MCPH1: variants seen among roughly 807,000 people sequenced by gnomAD.
MCPH1 encodes microcephalin.
Under a neutral mutation model 84.5 loss-of-function variants are expected in MCPH1, and 104 were observed. The observed-to-expected ratio is 1.23, with a 90% CI of 1.05 to 1.45. The LOEUF (loss-of-function observed/expected upper bound fraction) is 1.45, where lower values mean the gene tolerates loss of function less well. MCPH1 is among the 40% of genes most tolerant of loss of function. The pLI, the probability that MCPH1 is intolerant of heterozygous loss-of-function variation, is 0.00. For missense variants in MCPH1, 1,498 were observed against 1,005.7 expected (o/e 1.49, Z -6.62); for synonymous variants, 514 against 366.8 (o/e 1.40, Z -4.58).
intron 12 of MCPH1, among the ~76,000 whole-genome samples, chr8:6,593,089 T>TG (rs1156673803): frequency 1.3e-5 from 2 of 148,926 alleles, no homozygotes; most frequent in African/African-American, 4.9e-5. Context: ...TGGTTTTTTT[T>TG]TTTTTTTTTT....
chr8:6,447,059 C>T (rs1585828519), intron 8 of MCPH1: 5 of 985,252 alleles, frequency 5.1e-6, no homozygotes, highest in East Asian at 1.1e-4. Context: ...TGCGCTAGTG[C>T]GAGAGGATCT....
intron 4 of MCPH1, among the ~76,000 whole-genome samples, chr8:6,432,323 T>C (rs1801960288): frequency 6.6e-6 from 1 of 152,256 alleles, no homozygotes; most frequent in South Asian, 2.1e-4. Context: ...ACAATGTGAA[T>C]GCTTTGTAAA....
rs79352762 is a variant in MCPH1, at chr8:6,428,896, G to A, written c.234-2603G>A. Among the ~76,000 whole-genome samples, 798 of 122,858 alleles carry A rather than the reference G, an allele frequency of 6.5e-3. 8 individuals are homozygous for A. The highest frequency in any genetic ancestry group is 0.018 in the African/African-American group (703 of 38,008). 80.6% of individuals were successfully genotyped at this position (122,858 alleles called of 152,430 possible). ...TTGTGGCTGCTTCTGCAGATAAGCT[G>A]TTCGGTGACCTCCATATTTCTAAAT... On this transcript the variant is annotated intron_variant, in intron 3 of 13. Coordinates refer to ENST00000344683, the MANE Select transcript of MCPH1 (RefSeq NM_024596.5).
At chr8:6,601,349 C>A (rs1829344557) in intron 12 of MCPH1, among the ~76,000 whole-genome samples, 1 of 152,102 alleles carries the variant, frequency 6.6e-6, no homozygotes, top group South Asian at 2.1e-4. Flanking sequence ...GCCTTCAAGA[C>A]CTCTCCTTAA....
chr8:6,436,012 C>A lies in MCPH1; in HGVS notation c.322-36C>A, dbSNP rs907544215. On this transcript the variant is annotated intron_variant, in intron 4 of 13. Coordinates refer to ENST00000344683, the MANE Select transcript of MCPH1 (RefSeq NM_024596.5). ...CTTTTTCTCCTGCCTTAAGCAGTTG[C>A]AGTACAGCATTAATTTTTGTGTTCT... 2.5e-6 allele frequency: 4 copies of A among 1,609,930 alleles called. No homozygotes were observed. The African/African-American group carries it at 5.3e-5, about 22-fold the overall frequency.
chr8:6,617,991 C>G (rs965071809), intron 12 of MCPH1, among the ~76,000 whole-genome samples: 1 of 151,214 alleles, frequency 6.6e-6, no homozygotes, highest in African/African-American at 2.4e-5. Context: ...AGGCTGGTCT[C>G]AAACTCCTGG....
rs17077756 is a variant in MCPH1 at position 6,648,405 on chromosome 8, A to T, written c.*5356A>T. ...CCATCAGACAGAAAGTAATATGCAG[A>T]TAACAGCCCAGGGGAATCTGGGCAG... On this transcript the variant is annotated 3_prime_UTR_variant, in exon 14 of 14. Coordinates refer to ENST00000344683, the MANE Select transcript of MCPH1 (RefSeq NM_024596.5). 1 of 152,274 alleles carries T rather than the reference A, an allele frequency of 6.6e-6. No individual in the cohort carries two copies. Among genetic ancestry groups the T allele is most frequent in the Non-Finnish European group, 1.5e-5 (1 of 68,058 alleles). 9.4% of individuals were successfully genotyped at this position (152,274 alleles called of 1,614,324 possible).
chr8:6,522,120 C>T (rs1235143577), intron 12 of MCPH1, among the ~76,000 whole-genome samples: 1 of 152,124 alleles, frequency 6.6e-6, no homozygotes, highest in African/African-American at 2.4e-5. Context: ...CTTTGGGAGG[C>T]CGAGGCGGGC....
At chr8:6,609,828 C>CCCCCCCACACA (rs1475345162) in intron 12 of MCPH1, among the ~76,000 whole-genome samples, 2 of 108,738 alleles carry the variant, frequency 1.8e-5, no homozygotes, top group Non-Finnish European at 4.4e-5. Flanking sequence ...CGCCCCCCCC[C>CCCCCCCACACA]CACACACAGA....
intron 4 of MCPH1, among the ~76,000 whole-genome samples, chr8:6,435,281 G>T (rs1490406095): frequency 1.3e-5 from 2 of 152,180 alleles, no homozygotes; most frequent in Non-Finnish European, 2.9e-5. Context: ...CAAGCAGGCA[G>T]TGGGCGTGCT....
At chr8:6,541,337 G>A (rs1174715034) in intron 12 of MCPH1, among the ~76,000 whole-genome samples, 2 of 152,184 alleles carry the variant, frequency 1.3e-5, no homozygotes, top group African/African-American at 4.8e-5. Flanking sequence ...GCTAAAGACA[G>A]GCTAGTGGGT....
At chr8:6,552,301 G>A (rs554229988) in intron 12 of MCPH1, among the ~76,000 whole-genome samples, 76 of 152,336 alleles carry the variant, frequency 5.0e-4, no homozygotes, top group African/African-American at 1.8e-3. Context: ...ACGATGGAAT[G>A]TGGCCATATT....
At chr8:6,437,097 G>A (rs1170706841) in intron 5 of MCPH1, among the ~76,000 whole-genome samples, 2 of 152,120 alleles carry the variant, frequency 1.3e-5, no homozygotes, top group South Asian at 4.1e-4. Context: ...CTACAGATAA[G>A]CAATTATGGT....
chr8:6,615,157 C>T (rs1242232969), intron 12 of MCPH1, among the ~76,000 whole-genome samples: 2 of 152,170 alleles, frequency 1.3e-5, no homozygotes, highest in African/African-American at 2.4e-5. Context: ...TCACACATGC[C>T]GTGAGTCTTC....
intron 11 of MCPH1, among the ~76,000 whole-genome samples, chr8:6,481,405 T>C (rs1809226167): frequency 6.6e-6 from 1 of 152,250 alleles, no homozygotes; most frequent in Non-Finnish European, 1.5e-5. Context: ...TAAAAATACA[T>C]AATTATTTTC....
intron 12 of MCPH1, 25 bp downstream of exon 12, chr8:6,499,954 G>A (rs1811831264): frequency 6.9e-6 from 11 of 1,588,916 alleles, no homozygotes; most frequent in Non-Finnish European, 8.6e-6. Flanking sequence ...GTTTTACGAT[G>A]GTAAATGCAG....
rs554380050 is a variant in MCPH1 at position 6,598,376 on chromosome 8, C to G, written c.2215-23078C>G. 2.5e-3 allele frequency among the ~76,000 whole-genome samples: 383 copies of G among 152,244 alleles called. 1 individual carries two copies. The highest frequency in any genetic ancestry group is 0.017 in the Middle Eastern group (5 of 294). On this transcript the variant is annotated intron_variant, in intron 12 of 13. Coordinates refer to ENST00000344683, the MANE Select transcript of MCPH1 (RefSeq NM_024596.5). ...GGAAAGTAGGAGGCAAAGCAGAAGC[C>G]CCGAACCCAAAGACAGAGCCGGCGA...
At chr8:6,634,432 A>G (rs1011273575) in intron 13 of MCPH1, among the ~76,000 whole-genome samples, 1 of 152,208 alleles carries the variant, frequency 6.6e-6, no homozygotes, top group Admixed American at 6.5e-5. Context: ...CCCCAGAAAG[A>G]TGCTGACTAC....
chr8:6,640,625 T>C (rs1797881202), intron 13 of MCPH1, among the ~76,000 whole-genome samples: 1 of 152,254 alleles, frequency 6.6e-6, no homozygotes, highest in Admixed American at 6.5e-5. Flanking sequence ...ACTCTGTCTC[T>C]TTAGCTGTGC....
Sources: gnomAD v4.1 joint callset for allele counts (sites outside exome capture counted in the v4.1 genomes callset) on GRCh38, gnomAD v4.1.1 for gene constraint, MANE v1.5 for transcripts, NCBI Gene and HGNC (gene_info 2026-07-23, HGNC 2026-07-21) for gene names.